YLPM1: variants seen among roughly 807,000 people sequenced by gnomAD.
YLPM1 encodes the protein YLP motif-containing protein 1.
YLPM1 carries 99 observed loss-of-function variants against 230.0 expected under a neutral mutation model. The observed-to-expected ratio is 0.43, with a 90% CI of 0.37 to 0.51. The LOEUF (loss-of-function observed/expected upper bound fraction) is 0.51. Ranked by LOEUF, YLPM1 falls within the 20% of genes least tolerant of loss-of-function variation. The probability of loss-of-function intolerance (pLI) is 0.00; values close to 1 mark genes in which losing one functional copy is unlikely to be tolerated. For missense variants in YLPM1, 2,592 were observed against 2,707.7 expected (o/e 0.96, Z 0.95); for synonymous variants, 984 against 942.5 (o/e 1.04, Z -0.81).
In YLPM1 at chr14:74,799,196, A is replaced by G. The variant is rs761058469; in HGVS notation, c.3899A>G (p.Tyr1300Cys). 5.6e-6 allele frequency: 9 copies of G among 1,613,880 alleles called. No homozygotes were observed. In the South Asian group the frequency reaches 6.6e-5, roughly 12 times the overall value. The change falls in exon 5 of 21, where the codon TAT becomes TGT. Residue 1300 changes from tyrosine (Y) to cysteine (C), a missense_variant. Physicochemically the swap from Tyr to Cys is radical, Grantham distance 194 (BLOSUM62 -2). Transcript: ENST00000325680. ...CGGATTTCAAGACCTATGGATATGT[A>G]TGATAGAAGTTTGGATAATGAGTGG... The part of the protein sequence containing the change: ...VDRISRPMDM[Y>C]DRSLDNEWDR...
chr14:74,795,428 A>G (rs936838607), intron 4 of YLPM1, among the ~76,000 whole-genome samples: 2 of 152,232 alleles, frequency 1.3e-5, no homozygotes, highest in Admixed American at 1.3e-4. Context: ...AATGAAAGAA[A>G]AAGCCTCCTA....
Position 74,782,120 on chromosome 14 carries a change from G to C in YLPM1, c.2077G>C (p.Gly693Arg). The change falls in exon 4 of 21, where the codon GGT becomes CGT. Residue 693 changes from glycine (G) to arginine (R), a missense_variant. Coordinates refer to ENST00000325680, the MANE Select transcript of YLPM1 (RefSeq NM_019589.3). ...TTACCATCCTCCGTTGCAATCAGCT[G>C]GTCCATCAGAACAAGTGAATTCAAA... is the stretch of plus-strand genomic sequence containing the variant. ...TTYHPPLQSA[G>R]PSEQVNSKAP... 6.2e-7 allele frequency: 1 copy of C among 1,613,778 alleles called. No homozygotes were observed. The highest frequency in any genetic ancestry group is 1.3e-5 in the African/African-American group (1 of 75,016).
At chr14:74,833,249 TTAATTAATTAATTATTATTGAGGTA>T (rs2091621260) in intron 19 of YLPM1, among the ~76,000 whole-genome samples, 3 of 152,062 alleles carry the variant, frequency 2.0e-5, no homozygotes, top group African/African-American at 4.8e-5. Context: ...TGAATTAAAT[TTAATTAATTAATTATTATTGAGGTA>T]GGGTCTCTCT....
chr14:74,786,919 C>A (rs2091156137), intron 4 of YLPM1, among the ~76,000 whole-genome samples: 1 of 152,160 alleles, frequency 6.6e-6, no homozygotes, highest in South Asian at 2.1e-4. Context: ...TTCTCACCAG[C>A]AGTGTTTCAG....
rs376047961 is a variant in YLPM1, at chr14:74,797,717, G to T, written c.2420G>T (p.Ser807Ile). The T allele has an allele frequency of 6.2e-7, 1 of 1,613,534 alleles. No homozygotes were observed. Among genetic ancestry groups the T allele is most frequent in the Non-Finnish European group, 8.5e-7 (1 of 1,179,698 alleles). The change falls in exon 5 of 21, where the codon AGC becomes ATC. Residue 807 changes from serine to isoleucine, a missense_variant. Around this residue, in one of 4 missense-constraint regions of YLPM1, gnomAD observed 1,862 missense variants for 1,819.8 expected, o/e 1.02. Transcript: ENST00000325680. ...GGTCACCCAGCAGAGGGCACTAAAA[G>T]CAAGTGGGGAATGATTCCCCGGGGG... ...YEGHPAEGTK[S>I]KWGMIPRGPA... is the part of the protein sequence containing the mutation.
At chr14:74,827,066 G>C (rs2091568970) in intron 18 of YLPM1, among the ~76,000 whole-genome samples, 2 of 152,034 alleles carry the variant, frequency 1.3e-5, no homozygotes, top group South Asian at 4.1e-4. Context: ...ATTTGTATAG[G>C]TGCATAATCT....
intron 4 of YLPM1, 115 bp from the exon 5 acceptor site, chr14:74,797,465 A>G: frequency 1.2e-6 from 1 of 869,088 alleles, no homozygotes; most frequent in East Asian, 2.7e-5. Context: ...TAATGACTGA[A>G]AAGAGTCATT....
intron 4 of YLPM1, among the ~76,000 whole-genome samples, chr14:74,785,355 A>T (rs950342584): frequency 6.6e-6 from 1 of 152,146 alleles, no homozygotes; most frequent in African/African-American, 2.4e-5. Flanking sequence ...CTTGAATTGG[A>T]TCCTACTCAC....
rs901516929 is a variant in YLPM1 at position 74,798,415 on chromosome 14, G to A, written c.3118G>A (p.Gly1040Ser). The change falls in exon 5 of 21, where the codon GGT becomes AGT. Residue 1040 changes from glycine (G) to serine (S), a missense_variant. Physicochemically the swap from Gly to Ser is moderately conservative, Grantham distance 56. This residue lies in a region of YLPM1 where 1,862 missense variants were observed against 1,819.8 expected (regional missense o/e 1.02). Transcript: ENST00000325680. ...DTRDKGLVNR[G>S]RGQAISRGPG... is the part of the protein sequence containing the mutation. The stretch of plus-strand genomic sequence containing the variant: ...ACGGGATAAAGGTCTAGTAAACAGA[G>A]GTCGCGGCCAGGCAATCAGTCGAGG... 1 of 1,613,992 alleles carries A rather than the reference G, an allele frequency of 6.2e-7. No homozygotes were observed. The highest frequency in any genetic ancestry group is 8.5e-7 in the Non-Finnish European group (1 of 1,179,904).
Position 74,763,964 on chromosome 14 carries a change from C to T in YLPM1, c.475C>T (p.Pro159Ser). The change falls in exon 1 of 21, where the codon CCC becomes TCC. Residue 159 changes from proline (P) to serine (S), a missense_variant. Coordinates refer to ENST00000325680, the MANE Select transcript of YLPM1 (RefSeq NM_019589.3). ...CCCTGTGCCGCCTGGGTCCTATATG[C>T]CCCCATCTCAGTCTTACATGCCCCC... ...SPPVPPGSYM[P>S]PSQSYMPPPQ... 1.5e-6 allele frequency: 2 copies of T among 1,303,874 alleles called. No homozygotes were observed. Among genetic ancestry groups the T allele is most frequent in the East Asian group, 4.3e-5 (1 of 23,216 alleles). The allele number at this position is 1,303,874 out of a possible 1,614,324, so 80.8% of individuals were successfully genotyped here. A position where few individuals can be genotyped will look rare whatever the true frequency, so the allele number is the denominator to read the frequency against.
intron 11 of YLPM1, 61 bp from the exon 12 acceptor site, chr14:74,816,142 T>C (rs1027061010): frequency 4.0e-6 from 6 of 1,489,742 alleles, no homozygotes; most frequent in Admixed American, 2.0e-5. Flanking sequence ...TTAACTGTTA[T>C]CTCATTGCAG....
At chr14:74,815,392 T>C (rs1227388293) in intron 11 of YLPM1, among the ~76,000 whole-genome samples, 4 of 151,866 alleles carry the variant, frequency 2.6e-5, no homozygotes, top group Non-Finnish European at 5.9e-5. Context: ...TGAAACCCCA[T>C]CTCTACTAAA....
In YLPM1 at chr14:74,782,894, A is replaced by G. The variant is rs113418213; in HGVS notation, c.2282+569A>G. ...AGCTTACATCCTTTATATTTTCCCCAGTTAAGGAGATACTTCTGTTTATCC... is the reference window on the plus strand; with the variant it reads ...AGCTTACATCCTTTATATTTTCCCCGGTTAAGGAGATACTTCTGTTTATCC... On this transcript the variant is annotated intron_variant, in intron 4 of 20. Transcript: ENST00000325680. Among the ~76,000 whole-genome samples, 1,002 of 152,270 alleles carry G rather than the reference A, an allele frequency of 6.6e-3. 13 individuals carry two copies. The highest frequency in any genetic ancestry group is 0.023 in the African/African-American group (963 of 41,556).
In YLPM1 at chr14:74,781,362, A is replaced by G; in HGVS notation, c.1319A>G (p.His440Arg). The change falls in exon 4 of 21, where the codon CAT (histidine) becomes CGT (arginine). Residue 440 changes from histidine to arginine, a missense_variant. This residue lies in a region of YLPM1 where 1,862 missense variants were observed against 1,819.8 expected (regional missense o/e 1.02). Coordinates refer to ENST00000325680, the MANE Select transcript of YLPM1 (RefSeq NM_019589.3). ...QTMSVDMQLR[H>R]YEMQQQQFQH... The stretch of plus-strand genomic sequence containing the variant: ...ATGTCTGTAGATATGCAGCTGCGGC[A>G]TTATGAGATGCAGCAGCAACAGTTT... The G allele has an allele frequency of 1.3e-6, 2 of 1,576,520 alleles. No homozygotes were observed. Among genetic ancestry groups the G allele is most frequent in the Non-Finnish European group, 1.7e-6 (2 of 1,160,060 alleles).
chr14:74,809,914 A>T lies in YLPM1; in HGVS notation c.4944A>T (p.Ile1648=), dbSNP rs1479437719. 11 of 1,607,772 alleles carry T rather than the reference A, an allele frequency of 6.8e-6. No homozygotes were observed. The Admixed American group carries it at 1.9e-4, about 27-fold the overall frequency. Reference sequence around the variant, plus strand: ...ATCTCTGATTTTGTTTACCAGATATATCCACTAATAAAGTTGAACAGATAC... The same window carrying T: ...ATCTCTGATTTTGTTTACCAGATATTTCCACTAATAAAGTTGAACAGATAC... The part of the protein sequence containing the change: ...QTVDYGHGRD[I]STNKVEQIPY... The change falls in exon 8 of 21, where the codon ATA becomes ATT. Residue 1648 remains isoleucine (I), a synonymous_variant. Coordinates refer to ENST00000325680, the MANE Select transcript of YLPM1 (RefSeq NM_019589.3).
In YLPM1 at chr14:74,763,559, C is replaced by T. The variant is rs1439398804; in HGVS notation, c.70C>T (p.Pro24Ser). The T allele has an allele frequency of 6.4e-7, 1 of 1,559,122 alleles. No individual in the cohort carries two copies. The highest frequency in any genetic ancestry group is 8.7e-7 in the Non-Finnish European group (1 of 1,151,288). ...YPPPPVPPPP[P>S]VALPEASPGP... ...GCCGCCACCGGTCCCACCGCCGCCGCCAGTGGCGCTTCCTGAGGCCTCGCC... is the reference window on the plus strand; with the variant it reads ...GCCGCCACCGGTCCCACCGCCGCCGTCAGTGGCGCTTCCTGAGGCCTCGCC... The change falls in exon 1 of 21, where the codon CCA becomes TCA. Residue 24 changes from proline (P) to serine (S), a missense_variant. Around this residue, in one of 4 missense-constraint regions of YLPM1, gnomAD observed 1,862 missense variants for 1,819.8 expected, o/e 1.02. Coordinates refer to ENST00000325680, the MANE Select transcript of YLPM1 (RefSeq NM_019589.3).
Position 74,816,637 on chromosome 14 carries a change from G to T in YLPM1, c.5632G>T (p.Glu1878Ter). ...AAGCCTGGATGATTACTTCATCACTGAAGTGGAAAAAGAAGAAAAAGATCC... is the reference window on the plus strand; with the variant it reads ...AAGCCTGGATGATTACTTCATCACTTAAGTGGAAAAAGAAGAAAAAGATCC... ...VLSLDDYFIT[E>*]VEKEEKDPDS... Residue 1878 changes from glutamate to a stop codon, truncating the protein, a stop_gained, in exon 13 of 21, where the codon GAA becomes TAA. Coordinates refer to ENST00000325680, the MANE Select transcript of YLPM1 (RefSeq NM_019589.3). LOFTEE classifies it high-confidence loss of function. 6.2e-7 allele frequency: 1 copy of T among 1,613,680 alleles called. No individual in the cohort carries two copies. Among genetic ancestry groups the T allele is most frequent in the South Asian group, 1.1e-5 (1 of 91,022 alleles).
chr14:74,771,966 C>A (rs1204026182), intron 1 of YLPM1, among the ~76,000 whole-genome samples: 1 of 152,098 alleles, frequency 6.6e-6, no homozygotes, highest in Non-Finnish European at 1.5e-5. Context: ...AAAATGGAAA[C>A]CCAATTCATT....
intron 1 of YLPM1, among the ~76,000 whole-genome samples, chr14:74,773,115 G>A (rs1027963945): frequency 5.0e-4 from 76 of 152,016 alleles, no homozygotes; most frequent in African/African-American, 1.7e-3. Flanking sequence ...GTGAAACCCC[G>A]TCTCTACTAA....
Sources: allele counts gnomAD v4.1 joint callset (sites outside exome capture counted in the v4.1 genomes callset), GRCh38; gene constraint gnomAD v4.1.1; regional missense constraint gnomAD v4.1.1; transcripts MANE v1.5; gene names NCBI Gene and HGNC (gene_info 2026-07-23, HGNC 2026-07-21).